Variants in FSTL5 observed in about 807,000 individuals in gnomAD.
FSTL5 encodes follistatin-related protein 5.
Under a neutral mutation model 89.1 loss-of-function variants are expected in FSTL5, and 62 were observed. The observed-to-expected ratio is 0.70, with a 90% CI of 0.57 to 0.86. FSTL5 has a LOEUF of 0.86. FSTL5 is among the 40% of genes least tolerant of loss of function. The probability of loss-of-function intolerance (pLI) is 0.00; values close to 1 mark genes in which losing one functional copy is unlikely to be tolerated. For missense variants in FSTL5, 1,057 were observed against 1,001.6 expected, an observed-to-expected ratio of 1.06 and a Z score of -0.75; for synonymous variants, 383 against 346.2, an observed-to-expected ratio of 1.11 and a Z score of -1.18.
chr4:161,491,490 T>C (rs1729870751), intron 12 of FSTL5, among the ~76,000 whole-genome samples: 1 of 151,858 alleles, frequency 6.6e-6, no homozygotes, highest in African/African-American at 2.4e-5. Flanking sequence ...CACTTTAAAA[T>C]AGAGATGGGA....
chr4:161,389,146 C>T (rs528636390), intron 15 of FSTL5, among the ~76,000 whole-genome samples: 45 of 152,104 alleles, frequency 3.0e-4, no homozygotes, highest in Admixed American at 5.2e-4. Context: ...AGAAGTCTCC[C>T]ACTGTTCATT....
Position 161,386,276 on chromosome 4 carries a change from GCTC to G in FSTL5, c.2012_2014del (p.Gly671del). Reference sequence around the variant, plus strand: ...GTCCACCATGACCTGTGGGGAAACTGCTCCGGTGCTGTCAGGTTTGCAGCCAAT... The same window carrying G: ...GTCCACCATGACCTGTGGGGAAACTGCGGTGCTGTCAGGTTTGCAGCCAAT... On this transcript the variant is annotated inframe_deletion, in exon 16 of 16. Transcript: ENST00000306100. 6.2e-7 allele frequency: 1 copy of G among 1,614,002 alleles called. No homozygotes were observed. The highest frequency in any genetic ancestry group is 1.7e-5 in the Admixed American group (1 of 59,990).
intron 14 of FSTL5, among the ~76,000 whole-genome samples, chr4:161,457,963 C>T (rs1029867022): frequency 6.6e-6 from 1 of 152,154 alleles, no homozygotes; most frequent in Admixed American, 6.5e-5. Flanking sequence ...GCAAAATTGG[C>T]TTTATATGCA....
intron 3 of FSTL5, among the ~76,000 whole-genome samples, chr4:161,921,363 C>G (rs1053011512): frequency 6.6e-6 from 1 of 152,066 alleles, no homozygotes; most frequent in Non-Finnish European, 1.5e-5. Flanking sequence ...CAATTTGCAT[C>G]AGAAAAGTTT....
rs371677828 is a variant in FSTL5, at chr4:161,642,081, C to A, written c.894+14247G>T. On this transcript the variant is annotated intron_variant, in intron 7 of 15. Coordinates refer to ENST00000306100, the MANE Select transcript of FSTL5 (RefSeq NM_020116.5). Reference sequence around the variant, plus strand: ...AAAAAATTTATACATTTAAGAGATGCAGCTTGATGATTCGATATATGTGTA... The same window carrying A: ...AAAAAATTTATACATTTAAGAGATGAAGCTTGATGATTCGATATATGTGTA... Among the ~76,000 whole-genome samples the A allele has an allele frequency of 7.2e-5, 11 of 152,180 alleles. No individual in the cohort carries two copies. In the East Asian group the frequency reaches 1.5e-3, roughly 21 times the overall value.
At chr4:161,555,240 A>T (rs911264457) in intron 8 of FSTL5, among the ~76,000 whole-genome samples, 1 of 151,574 alleles carries the variant, frequency 6.6e-6, no homozygotes, top group Admixed American at 6.6e-5. Context: ...TAATTTAATT[A>T]ACTTAGATGT....
chr4:161,542,676 C>A lies in FSTL5; in HGVS notation c.1033G>T (p.Val345Leu), dbSNP rs765150532. The part of the protein sequence containing the change: ...FQVNVPPVIR[V>L]YPESQAREPG... The stretch of plus-strand genomic sequence containing the variant: ...TCTCTAGCCTGACTCTCTGGATACA[C>A]CCGGATGACTGGAGGAACTAAAGGA... Residue 345 changes from valine to leucine, a missense_variant, in exon 9 of 16, where the codon GTG becomes TTG. Physicochemically the swap from Val to Leu is conservative, Grantham distance 32. Around this residue, in one of 3 missense-constraint regions of FSTL5, gnomAD observed 980 missense variants for 903.2 expected, o/e 1.08. Transcript: ENST00000306100. The A allele has an allele frequency of 4.0e-6, 6 of 1,482,522 alleles. No individual in the cohort carries two copies. Among genetic ancestry groups the A allele is most frequent in the Non-Finnish European group, 5.4e-6 (6 of 1,111,048 alleles). 91.8% of individuals were successfully genotyped at this position (1,482,522 alleles called of 1,614,324 possible).
intron 8 of FSTL5, among the ~76,000 whole-genome samples, chr4:161,544,304 T>A (rs565246163): frequency 6.6e-6 from 1 of 152,000 alleles, no homozygotes; most frequent in African/African-American, 2.4e-5. Context: ...GGTGGGAATA[T>A]AAAATGATGC....
At chr4:161,996,904 G>A (rs1212878272) in intron 3 of FSTL5, among the ~76,000 whole-genome samples, 1 of 152,156 alleles carries the variant, frequency 6.6e-6, no homozygotes, top group Non-Finnish European at 1.5e-5. Context: ...TAGATGTTAT[G>A]ACAGGGAAAT....
intron 4 of FSTL5, among the ~76,000 whole-genome samples, chr4:161,785,062 G>A (rs1370342198): frequency 6.6e-6 from 1 of 152,030 alleles, no homozygotes; most frequent in Non-Finnish European, 1.5e-5. Flanking sequence ...ACACTAAGAA[G>A]TAAATGTCAT....
At chr4:161,685,879 G>C (rs1287769410) in intron 6 of FSTL5, among the ~76,000 whole-genome samples, 1 of 152,102 alleles carries the variant, frequency 6.6e-6, no homozygotes, top group Non-Finnish European at 1.5e-5. Flanking sequence ...TCAGTATTAT[G>C]TTGGCTGTGA....
chr4:161,892,759 TTAG>T (rs1242464889), intron 4 of FSTL5, among the ~76,000 whole-genome samples: 6 of 152,116 alleles, frequency 3.9e-5, no homozygotes, highest in African/African-American at 1.4e-4. Context: ...ATTATTTTAA[TTAG>T]TAGTTTAAAA....
At chr4:161,578,450 G>T (rs765853346) in intron 8 of FSTL5, among the ~76,000 whole-genome samples, 1 of 151,340 alleles carries the variant, frequency 6.6e-6, no homozygotes, top group South Asian at 2.1e-4. Context: ...GAGACAGAGA[G>T]AAAAAAAGGA....
intron 3 of FSTL5, among the ~76,000 whole-genome samples, chr4:161,958,821 T>C (rs1428775045): frequency 6.6e-6 from 1 of 152,188 alleles, no homozygotes; most frequent in East Asian, 1.9e-4. Flanking sequence ...CATTGAAGAC[T>C]CAGCTGAAGA....
chr4:161,594,267 CTGAATATATG>C (rs1311145764), intron 7 of FSTL5, among the ~76,000 whole-genome samples: 1 of 152,010 alleles, frequency 6.6e-6, no homozygotes, highest in Non-Finnish European at 1.5e-5. Flanking sequence ...AGTGAAAATT[CTGAATATATG>C]TGAATGGCAT....
intron 6 of FSTL5, among the ~76,000 whole-genome samples, chr4:161,667,104 A>T (rs1376228027): frequency 1.3e-5 from 2 of 152,064 alleles, no homozygotes; most frequent in Non-Finnish European, 2.9e-5. Flanking sequence ...ACAATAGTGA[A>T]TCTCATTTTA....
intron 6 of FSTL5, among the ~76,000 whole-genome samples, chr4:161,721,513 C>A (rs1470778270): frequency 6.6e-6 from 1 of 151,978 alleles, no homozygotes; most frequent in Admixed American, 6.6e-5. Context: ...TACATACATA[C>A]AGTTTTTTGA....
chr4:162,074,341 A>AT lies in FSTL5; in HGVS notation c.126+36929dup, dbSNP rs968233536. Reference sequence around the variant, plus strand: ...TCTTAGTAATGTTTGCCAGGTTTTTATTTTTTTTAATTTGAGTCTTTTGTT... The same window carrying AT: ...TCTTAGTAATGTTTGCCAGGTTTTTATTTTTTTTTAATTTGAGTCTTTTGTT... On this transcript the variant is annotated intron_variant, in intron 2 of 15. Coordinates refer to ENST00000306100, the MANE Select transcript of FSTL5 (RefSeq NM_020116.5). Among the ~76,000 whole-genome samples, 14 of 151,350 alleles carry AT rather than the reference A, an allele frequency of 9.3e-5. No homozygotes were observed. The East Asian group carries it at 1.2e-3, about 13-fold the overall frequency.
At chr4:162,003,348 G>T (rs1252498075) in intron 3 of FSTL5, among the ~76,000 whole-genome samples, 1 of 152,094 alleles carries the variant, frequency 6.6e-6, no homozygotes, top group Non-Finnish European at 1.5e-5. Context: ...CCATTGAAGA[G>T]ATGGGTAACC....
Sources: gnomAD v4.1 joint callset for allele counts (sites outside exome capture counted in the v4.1 genomes callset) on GRCh38, gnomAD v4.1.1 for gene constraint, gnomAD v4.1.1 regional missense constraint, MANE v1.5 for transcripts, NCBI Gene and HGNC (gene_info 2026-07-23, HGNC 2026-07-21) for gene names.